The following SYN3 variants were observed in gnomAD, a reference collection of about 807,000 sequenced individuals.
SYN3 encodes the protein synapsin III.
In SYN3, 35 loss-of-function variants were observed where a neutral mutation model predicts 65.8. The ratio of observed to expected loss-of-function variants is 0.53; its 90% confidence interval spans 0.41 to 0.70. The LOEUF (loss-of-function observed/expected upper bound fraction) is 0.70, where lower values mean the gene tolerates loss of function less well. SYN3 is among the 30% of genes least tolerant of loss of function. The pLI is 0.00. For synonymous variants in SYN3, 270 were observed against 292.9 expected (o/e 0.92, Z 0.80); for missense variants, 680 against 749.0 (o/e 0.91, Z 1.08).
chr22:32,523,638 C>CA (rs1026323955), intron 12 of SYN3, among the ~76,000 whole-genome samples: 1 of 152,194 alleles, frequency 6.6e-6, no homozygotes, highest in African/African-American at 2.4e-5. Context: ...TCCCTTTCCC[C>CA]TAGACACAAC....
chr22:33,031,493 A>C (rs1331657010), intron 1 of SYN3, among the ~76,000 whole-genome samples: 2 of 151,910 alleles, frequency 1.3e-5, no homozygotes, highest in African/African-American at 4.8e-5. Context: ...CCCACTGGAC[A>C]AAGGCAGCTC....
chr22:32,634,881 G>A (rs1457894658), intron 6 of SYN3, among the ~76,000 whole-genome samples: 2 of 151,994 alleles, frequency 1.3e-5, no homozygotes, highest in Non-Finnish European at 2.9e-5. Context: ...CTTTGAATGT[G>A]GCCCAACACA....
intron 12 of SYN3, among the ~76,000 whole-genome samples, chr22:32,523,113 CTT>C (rs2057914982): frequency 6.6e-6 from 1 of 152,204 alleles, no homozygotes; most frequent in East Asian, 1.9e-4. Flanking sequence ...AAATTTCAAA[CTT>C]TTAAATTATT....
At chr22:32,532,842 G>A (rs1201958061) in intron 10 of SYN3, among the ~76,000 whole-genome samples, 1 of 152,116 alleles carries the variant, frequency 6.6e-6, no homozygotes, top group Non-Finnish European at 1.5e-5. Context: ...CTGGCCTTGT[G>A]TCAGCACCGC....
In SYN3 at chr22:32,527,903, C is replaced by T. The variant is rs149362442; in HGVS notation, c.1318+15G>A. Reference sequence around the variant, plus strand: ...CACTGCATGCTTTCTTGCAGTGGCTCGTCCTGGGTCATACCTTGCGGAGGT... The same window carrying T: ...CACTGCATGCTTTCTTGCAGTGGCTTGTCCTGGGTCATACCTTGCGGAGGT... On this transcript the variant is annotated intron_variant, in intron 12 of 13. Coordinates refer to ENST00000358763, the MANE Select transcript of SYN3 (RefSeq NM_003490.4). 15 of 1,578,134 alleles carry T rather than the reference C, an allele frequency of 9.5e-6. No homozygotes were observed. The highest frequency in any genetic ancestry group is 1.2e-5 in the Non-Finnish European group (14 of 1,160,488).
At chr22:32,893,146 G>A (rs1278259977) in intron 4 of SYN3, among the ~76,000 whole-genome samples, 1 of 152,136 alleles carries the variant, frequency 6.6e-6, no homozygotes. Flanking sequence ...ATGACCAGGG[G>A]CCCAACACTC....
At chr22:32,782,171 C>T (rs138566428) in intron 6 of SYN3, among the ~76,000 whole-genome samples, 1,903 of 151,150 alleles carry the variant, frequency 0.013, 24 homozygotes, top group Middle Eastern at 0.046. Flanking sequence ...TGGTTTCAAG[C>T]GATTCTCTTG....
chr22:32,942,707 G>C (rs2050978057), intron 3 of SYN3, among the ~76,000 whole-genome samples: 1 of 152,164 alleles, frequency 6.6e-6, no homozygotes, highest in East Asian at 1.9e-4. Context: ...AAAAAGATTA[G>C]ACAAATGGCT....
At chr22:32,943,782 G>A (rs900768369) in intron 3 of SYN3, among the ~76,000 whole-genome samples, 24 of 152,088 alleles carry the variant, frequency 1.6e-4, no homozygotes, top group African/African-American at 5.8e-4. Context: ...AACAAAAAAA[G>A]GCAGGGGTTG....
intron 1 of SYN3, among the ~76,000 whole-genome samples, chr22:33,042,577 C>T (rs955568407): frequency 2.0e-5 from 3 of 152,260 alleles, no homozygotes; most frequent in East Asian, 1.9e-4. Context: ...GGCCCTTTCT[C>T]GTAACAGCAA....
At position 32,952,300 on chromosome 22, in the gene SYN3, GT is replaced by G. The variant is rs796192308; in HGVS notation, c.370-20820del. The stretch of plus-strand genomic sequence containing the variant: ...ATGTGAATAATGTGTGTGTGGGGGG[GT>G]GTGTGTGTGTGTGGACAGGCAGGGT... On this transcript the variant is annotated intron_variant, in intron 3 of 13. Transcript: ENST00000358763. 2.1e-4 allele frequency among the ~76,000 whole-genome samples: 30 copies of G among 146,318 alleles called. 1 individual carries two copies. Among genetic ancestry groups the G allele is most frequent in the African/African-American group, 8.1e-4 (30 of 36,966 alleles).
At chr22:32,529,503 G>C (rs1211815532) in intron 10 of SYN3, among the ~76,000 whole-genome samples, 2 of 152,196 alleles carry the variant, frequency 1.3e-5, no homozygotes, top group Non-Finnish European at 2.9e-5. Flanking sequence ...CCTGTTTTCC[G>C]AGGCCCTGGC....
intron 6 of SYN3, chr22:32,833,749 C>T (rs1288742754): frequency 6.1e-6 from 3 of 495,826 alleles, no homozygotes; most frequent in Non-Finnish European, 1.2e-5. Context: ...TTCTTCTTTA[C>T]AGGCCTCGAT....
rs1173655860 is a variant in SYN3 at position 32,801,017 on chromosome 22, G to A, written c.711+63898C>T. On this transcript the variant is annotated intron_variant, in intron 6 of 13. Transcript: ENST00000358763. This position sits in a 1 kb window ranked among gnomAD's most constrained non-coding sequence, Gnocchi z 4.7. ...TTCATGGATGTCCACGGGGGCAAGG[G>A]CTTTGTGTTGCTTAACCCAGCATCC... Among the ~76,000 whole-genome samples, 1 of 152,154 alleles carries A rather than the reference G, an allele frequency of 6.6e-6. No homozygotes were observed. Among genetic ancestry groups the A allele is most frequent in the Non-Finnish European group, 1.5e-5 (1 of 68,034 alleles).
chr22:33,039,881 T>G (rs1187955876), intron 1 of SYN3, among the ~76,000 whole-genome samples: 1 of 152,148 alleles, frequency 6.6e-6, no homozygotes, highest in Non-Finnish European at 1.5e-5. Flanking sequence ...TTTTTGCTTA[T>G]TTTTTTCACT....
chr22:32,551,973 A>C (rs2146302833), intron 7 of SYN3, among the ~76,000 whole-genome samples: 1 of 152,346 alleles, frequency 6.6e-6, no homozygotes, highest in Non-Finnish European at 1.5e-5. Flanking sequence ...ACTGAAGGCC[A>C]GGTGCGGTGG....
intron 6 of SYN3, among the ~76,000 whole-genome samples, chr22:32,676,715 T>TG (rs1555922594): frequency 1.5e-4 from 23 of 150,786 alleles, no homozygotes; most frequent in African/African-American, 4.9e-4. Flanking sequence ...TTTTTGTTTT[T>TG]TTTTTTTTTA....
rs1002629754 is a variant in SYN3, at chr22:32,837,705, C to T, written c.711+27210G>A. On this transcript the variant is annotated intron_variant, in intron 6 of 13. Transcript: ENST00000358763. This position sits in a 1 kb window ranked among gnomAD's most constrained non-coding sequence, Gnocchi z 4.1. ...GTTTGGACACCCATTTGGATACATG[C>T]AATCCTAAAGTCTATGGGCAGTGAC... 1.3e-5 allele frequency among the ~76,000 whole-genome samples: 2 copies of T among 152,102 alleles called. No homozygotes were observed. Among genetic ancestry groups the T allele is most frequent in the African/African-American group, 4.8e-5 (2 of 41,404 alleles).
chr22:32,822,937 AAAC>A (rs747695867), intron 6 of SYN3, among the ~76,000 whole-genome samples: 18,866 of 151,400 alleles, frequency 0.12, 1,308 homozygotes, highest in African/African-American at 0.2. Context: ...AACAAAAAAA[AAAC>A]AGAGAGAGAG....
Sources: gnomAD v4.1 joint callset for allele counts (sites outside exome capture counted in the v4.1 genomes callset) on GRCh38, gnomAD v4.1.1 for gene constraint, Gnocchi (gnomAD v3.1) non-coding constraint, MANE v1.5 for transcripts, NCBI Gene and HGNC (gene_info 2026-07-23, HGNC 2026-07-21) for gene names.